Variants in GALNT14 observed in about 807,000 individuals in gnomAD.
GALNT14 encodes UDP-GalNAc:polypeptide N-acetylgalactosaminyltransferase 14.
In GALNT14, 60 loss-of-function variants were observed where a neutral mutation model predicts 77.5. That is an observed-to-expected ratio of 0.77 (90% CI 0.63 to 0.96). The LOEUF is 0.96. Ranked by LOEUF, GALNT14 falls within the 40% of genes least tolerant of loss-of-function variation. The probability of loss-of-function intolerance (pLI) is 0.00; values close to 1 mark genes in which losing one functional copy is unlikely to be tolerated. For synonymous variants in GALNT14, 280 were observed against 281.7 expected (o/e 0.99, Z 0.06); for missense variants, 710 against 731.0 (o/e 0.97, Z 0.33).
At chr2:30,913,936 C>T (rs181554282) in intron 13 of GALNT14, among the ~76,000 whole-genome samples, 2 of 152,282 alleles carry the variant, frequency 1.3e-5, no homozygotes, top group South Asian at 2.1e-4. Flanking sequence ...TTCCTTGGGA[C>T]ATATCAAGAA....
intron 9 of GALNT14, among the ~76,000 whole-genome samples, chr2:30,934,788 G>A (rs185975970): frequency 5.9e-5 from 9 of 152,116 alleles, no homozygotes; most frequent in East Asian, 1.9e-4. Flanking sequence ...CACTGCTGTC[G>A]CCTCTGCTCC....
chr2:31,082,409 G>A (rs1676200252), intron 1 of GALNT14, among the ~76,000 whole-genome samples: 1 of 152,236 alleles, frequency 6.6e-6, no homozygotes, highest in Admixed American at 6.5e-5. Context: ...CACCAGGGCT[G>A]TAATAGTCAG....
Position 31,106,941 on chromosome 2 carries a change from G to C in GALNT14, c.129+31017C>G, listed in dbSNP as rs150721948. Among the ~76,000 whole-genome samples, 530 of 152,310 alleles carry C rather than the reference G, an allele frequency of 3.5e-3. 2 individuals are homozygous for C. The highest frequency in any genetic ancestry group is 4.4e-3 in the Non-Finnish European group (298 of 68,028). ...TGAAGTAAGCTTTCTTTGTGGAGGA[G>C]AGCTAATGACTAGAAAGAGGCACAT... On this transcript the variant is annotated intron_variant, in intron 1 of 14. Coordinates refer to ENST00000349752, the MANE Select transcript of GALNT14 (RefSeq NM_024572.4).
chr2:31,045,556 G>A (rs112761396), intron 1 of GALNT14, among the ~76,000 whole-genome samples: 2,447 of 152,192 alleles, frequency 0.016, 66 homozygotes, highest in African/African-American at 0.054. Flanking sequence ...TCCGCCTCCC[G>A]GGTTCAAGCA....
chr2:30,994,890 T>C (rs1371328829), intron 1 of GALNT14, among the ~76,000 whole-genome samples: 1 of 152,138 alleles, frequency 6.6e-6, no homozygotes, highest in Non-Finnish European at 1.5e-5. Context: ...TGGAGATGCC[T>C]GTAACACACC....
rs74694202 is a variant in GALNT14, at chr2:31,010,571, C to T, written c.130-17564G>A. On this transcript the variant is annotated intron_variant, in intron 1 of 14. Coordinates refer to ENST00000349752, the MANE Select transcript of GALNT14 (RefSeq NM_024572.4). ...TGGAGCTTGCAGTGAGCCGGGATTG[C>T]GCCACTGCACTCCAGCCTGGGCAAC... Among the ~76,000 whole-genome samples the T allele has an allele frequency of 6.5e-4, 99 of 152,260 alleles. No individual in the cohort carries two copies. The East Asian group carries it at 0.011, about 18-fold the overall frequency.
intron 1 of GALNT14, among the ~76,000 whole-genome samples, chr2:30,995,065 T>C (rs1053192865): frequency 1.3e-5 from 2 of 151,908 alleles, no homozygotes; most frequent in African/African-American, 4.8e-5. Flanking sequence ...AAAATAAGTA[T>C]GTAGCAAAAA....
intron 1 of GALNT14, among the ~76,000 whole-genome samples, chr2:31,011,081 T>TAGGG (rs1670997941): frequency 6.6e-6 from 1 of 152,048 alleles, no homozygotes; most frequent in Non-Finnish European, 1.5e-5. Flanking sequence ...AGGGAAGGGA[T>TAGGG]AGGGAGGGTG....
chr2:31,116,780 C>T (rs1678126464), intron 1 of GALNT14, among the ~76,000 whole-genome samples: 1 of 152,124 alleles, frequency 6.6e-6, no homozygotes, highest in Admixed American at 6.5e-5. Flanking sequence ...CGTGGTAGCT[C>T]ACACCTATAA....
At chr2:30,909,816 T>G (rs2148190604), downstream of GALNT14, among the ~76,000 whole-genome samples, 1 of 151,752 alleles carries the variant, frequency 6.6e-6, no homozygotes, top group Middle Eastern at 3.4e-3. Context: ...AACCCAAATG[T>G]CCAACAATGA....
At chr2:31,070,581 G>C (rs1675303030) in intron 1 of GALNT14, among the ~76,000 whole-genome samples, 1 of 152,220 alleles carries the variant, frequency 6.6e-6, no homozygotes, top group African/African-American at 2.4e-5. Flanking sequence ...GTGCCCAAGG[G>C]GAGGCAGCTG....
chr2:31,067,976 G>A (rs1051382833), intron 1 of GALNT14, among the ~76,000 whole-genome samples: 1 of 152,094 alleles, frequency 6.6e-6, no homozygotes, highest in Non-Finnish European at 1.5e-5. Context: ...TCCTTCGTGT[G>A]GGCCTTGACT....
intron 9 of GALNT14, among the ~76,000 whole-genome samples, chr2:30,934,842 C>T (rs1665956167): frequency 6.6e-6 from 1 of 152,172 alleles, no homozygotes; most frequent in African/African-American, 2.4e-5. Flanking sequence ...TCCTACCAGC[C>T]CCAACTCTGC....
At chr2:31,015,709 G>A (rs2148450141) in intron 1 of GALNT14, among the ~76,000 whole-genome samples, 1 of 152,256 alleles carries the variant, frequency 6.6e-6, no homozygotes, top group East Asian at 1.9e-4. Flanking sequence ...TAGTATTTTT[G>A]CCAAAAACAC....
chr2:31,012,250 G>A (rs1181640551), intron 1 of GALNT14, among the ~76,000 whole-genome samples: 2 of 152,244 alleles, frequency 1.3e-5, no homozygotes, highest in East Asian at 1.9e-4. Flanking sequence ...TACTGCCCTG[G>A]ACTTTTGGTC....
chr2:30,939,162 G>A (rs1013303390), intron 9 of GALNT14, among the ~76,000 whole-genome samples: 6 of 152,198 alleles, frequency 3.9e-5, no homozygotes, highest in Non-Finnish European at 7.3e-5. Flanking sequence ...TTTGGTAGAA[G>A]GCTGGGCGGC....
Position 31,129,281 on chromosome 2 carries a change from C to A in GALNT14, c.129+8677G>T, listed in dbSNP as rs114193342. 672 of 659,448 alleles carry A rather than the reference C, an allele frequency of 1.0e-3. 5 individuals are homozygous for A. The African/African-American group carries it at 0.012, about 12-fold the overall frequency. The allele number at this position is 659,448 out of a possible 1,614,324, so 40.8% of individuals were successfully genotyped here. A position where few individuals can be genotyped will look rare whatever the true frequency, so the allele number is the denominator to read the frequency against. On this transcript the variant is annotated intron_variant, in intron 1 of 14. Coordinates refer to ENST00000349752, the MANE Select transcript of GALNT14 (RefSeq NM_024572.4). ...GAGAATAATAATAACACTCACCTCA[C>A]AAAGTCGCAGTAAGGATCAAATGAG... is the stretch of plus-strand genomic sequence containing the variant.
intron 1 of GALNT14, among the ~76,000 whole-genome samples, chr2:31,039,480 C>T (rs757500094): frequency 3.9e-5 from 6 of 152,264 alleles, no homozygotes; most frequent in South Asian, 2.1e-4. Flanking sequence ...AGACTTGAAT[C>T]GGGCCGGCTT....
chr2:31,061,910 C>A (rs2148542796), intron 1 of GALNT14, among the ~76,000 whole-genome samples: 1 of 152,320 alleles, frequency 6.6e-6, no homozygotes, highest in East Asian at 1.9e-4. Context: ...GTGCCTACTG[C>A]TACCATGAGC....
Sources: gnomAD v4.1 joint callset for allele counts (sites outside exome capture counted in the v4.1 genomes callset) on GRCh38, gnomAD v4.1.1 for gene constraint, MANE v1.5 for transcripts, NCBI Gene and HGNC (gene_info 2026-07-23, HGNC 2026-07-21) for gene names.